The following ABCA13 variants were observed in gnomAD, a reference collection of about 807,000 sequenced individuals.
ABCA13 encodes the protein ATP-binding cassette sub-family A member 13.
Under a neutral mutation model 478.7 loss-of-function variants are expected in ABCA13, and 476 were observed. That is an observed-to-expected ratio of 0.99 (90% CI 0.92 to 1.07). The LOEUF (loss-of-function observed/expected upper bound fraction) is 1.07, where lower values mean the gene tolerates loss of function less well. Among genes scored for constraint, ABCA13 ranks in the 50% least tolerant of loss-of-function variants. The pLI is 0.00. For synonymous variants in ABCA13, 2,252 were observed against 2,158.9 expected, an observed-to-expected ratio of 1.04 and a Z score of -1.20; for missense variants, 6,060 against 5,910.6, an observed-to-expected ratio of 1.03 and a Z score of -0.83.
In ABCA13 at chr7:48,350,635, T is replaced by C. The variant is rs761196588; in HGVS notation, c.10205-8T>C. Reference sequence around the variant, plus strand: ...GTTGATGTGTCCTAATCTGTTCACTTTCCTCAGGAGGGCTGCTGGATGAGA... The same window carrying C: ...GTTGATGTGTCCTAATCTGTTCACTCTCCTCAGGAGGGCTGCTGGATGAGA... On this transcript the variant is annotated splice_polypyrimidine_tract_variant and splice_region_variant and intron_variant, in intron 29 of 61. Coordinates refer to ENST00000435803, the MANE Select transcript of ABCA13 (RefSeq NM_152701.5). 2.5e-6 allele frequency: 4 copies of C among 1,609,824 alleles called. No individual in the cohort carries two copies. In the South Asian group the frequency reaches 4.4e-5, roughly 18 times the overall value.
rs1482529011 is a variant in ABCA13 at position 48,276,336 on chromosome 7, G to A, written c.6670G>A (p.Ala2224Thr). 2 of 1,557,456 alleles carry A rather than the reference G, an allele frequency of 1.3e-6. No homozygotes were observed. Among genetic ancestry groups the A allele is most frequent in the Non-Finnish European group, 1.7e-6 (2 of 1,149,664 alleles). Residue 2224 changes from alanine to threonine, a missense_variant, in exon 17 of 62, where the codon GCT becomes ACT. Transcript: ENST00000435803. ...NNLAGNSQEAAWNLNDTDLQI... is the reference protein window; with the variant it reads ...NNLAGNSQEATWNLNDTDLQI... Reference sequence around the variant, plus strand: ...CTTAGCTGGGAATTCTCAGGAAGCAGCTTGGAACTTAAATGATACTGACCT... The same window carrying A: ...CTTAGCTGGGAATTCTCAGGAAGCAACTTGGAACTTAAATGATACTGACCT...
rs1795741522 is a variant in ABCA13, at chr7:48,272,442, G to A, written c.2776G>A (p.Ala926Thr). The part of the protein sequence containing the change: ...ALNTVYAIRN[A>T]SDLFSALSEP... ...GAACACAGTCTACGCTATCAGGAAT[G>A]CATCTGATCTTTTCTCAGCCCTTTC... Residue 926 changes from alanine to threonine, a missense_variant, in exon 17 of 62, where the codon GCA (alanine) becomes ACA (threonine). By Grantham distance (58) the Ala-to-Thr change is moderately conservative. This residue lies in a region of ABCA13 where 4,423 missense variants were observed against 4,309.1 expected (regional missense o/e 1.03). Transcript: ENST00000435803. The A allele has an allele frequency of 3.1e-6, 5 of 1,613,798 alleles. No homozygotes were observed. Among genetic ancestry groups the A allele is most frequent in the South Asian group, 1.1e-5 (1 of 91,060 alleles).
At chr7:48,578,280 T>A (rs1364277259) in intron 55 of ABCA13, among the ~76,000 whole-genome samples, 1 of 152,240 alleles carries the variant, frequency 6.6e-6, no homozygotes, top group East Asian at 1.9e-4. Flanking sequence ...TAAATAAAAC[T>A]GTTATTGCTT....
intron 55 of ABCA13, among the ~76,000 whole-genome samples, chr7:48,546,869 T>G (rs896095834): frequency 7.2e-5 from 11 of 151,764 alleles, no homozygotes; most frequent in African/African-American, 2.7e-4. Flanking sequence ...TTCATCTTCC[T>G]TTAGACTAAT....
intron 3 of ABCA13, among the ~76,000 whole-genome samples, chr7:48,217,999 ACTCT>A (rs1786751560): frequency 6.6e-6 from 1 of 151,940 alleles, no homozygotes; most frequent in African/African-American, 2.4e-5. Flanking sequence ...TCTGGAATTC[ACTCT>A]CTCTCTCACA....
At chr7:48,284,206 G>C (rs1797420940) in intron 19 of ABCA13, among the ~76,000 whole-genome samples, 1 of 152,214 alleles carries the variant, frequency 6.6e-6, no homozygotes, top group Non-Finnish European at 1.5e-5. Context: ...TGTTTGAACA[G>C]AAGAATTGAT....
intron 43 of ABCA13, among the ~76,000 whole-genome samples, chr7:48,462,446 C>A (rs538416823): frequency 2.0e-5 from 3 of 151,718 alleles, no homozygotes; most frequent in East Asian, 1.9e-4. Flanking sequence ...AAAGGATTCC[C>A]CCCCCCCTAC....
intron 20 of ABCA13, among the ~76,000 whole-genome samples, chr7:48,292,918 T>A (rs1281567792): frequency 6.6e-6 from 1 of 152,300 alleles, no homozygotes; most frequent in African/African-American, 2.4e-5. Context: ...ACTTGGCAGG[T>A]GCTCCATAAG....
intron 59 of ABCA13, chr7:48,626,869 C>T (rs1279429306): frequency 2.2e-5 from 22 of 985,312 alleles, no homozygotes; most frequent in Admixed American, 6.2e-5. Context: ...AGAATTCCTA[C>T]GAGGAAGGGC....
In ABCA13 at chr7:48,499,188, AAG is replaced by A. The variant is rs1176205331; in HGVS notation, c.13292-7138_13292-7137del. 3.3e-5 allele frequency among the ~76,000 whole-genome samples: 5 copies of A among 152,100 alleles called. No homozygotes were observed. In the East Asian group the frequency reaches 9.6e-4, roughly 29 times the overall value. ...ATTTTTTCAGGATAGATTGATGAGG[AAG>A]AGAGAGAGAAAGTCATCAAAACGCC... On this transcript the variant is annotated intron_variant, in intron 48 of 61. Transcript: ENST00000435803.
intron 3 of ABCA13, among the ~76,000 whole-genome samples, chr7:48,203,596 TG>T (rs1318727968): frequency 1.3e-5 from 2 of 150,990 alleles, no homozygotes; most frequent in African/African-American, 2.4e-5. Flanking sequence ...CTGCCTTTGT[TG>T]GGGGGTTTCC....
intron 1 of ABCA13, among the ~76,000 whole-genome samples, chr7:48,181,568 T>TA (rs1379482702): frequency 1.2e-4 from 18 of 152,060 alleles, no homozygotes; most frequent in African/African-American, 3.9e-4. Flanking sequence ...TTTTTTTTTT[T>TA]AAGTCTCAAT....
At chr7:48,296,930 A>G (rs1234523994) in intron 21 of ABCA13, among the ~76,000 whole-genome samples, 1 of 152,300 alleles carries the variant, frequency 6.6e-6, no homozygotes, top group South Asian at 2.1e-4. Context: ...ACGTTCCATG[A>G]TCTATCCTAT....
At chr7:48,479,578 T>A (rs10262460) in intron 45 of ABCA13, among the ~76,000 whole-genome samples, 37,922 of 152,144 alleles carry the variant, frequency 0.25, 5,140 homozygotes, top group Middle Eastern at 0.35. Context: ...TCACTAATTG[T>A]AGTCATTATG....
intron 44 of ABCA13, 37 bp downstream of exon 44, chr7:48,467,082 C>G: frequency 6.4e-7 from 1 of 1,559,082 alleles, no homozygotes; most frequent in Middle Eastern, 1.7e-4. Context: ...GTGAACACTC[C>G]CAACTGGTAA....
rs148222302 is a variant in ABCA13, at chr7:48,261,673, G to GT, written c.2006-7300dup. Among the ~76,000 whole-genome samples, 127 of 151,800 alleles carry GT rather than the reference G, an allele frequency of 8.4e-4. 2 individuals are homozygous for GT. In the East Asian group the frequency reaches 0.023, roughly 28 times the overall value. On this transcript the variant is annotated intron_variant, in intron 15 of 61. Coordinates refer to ENST00000435803, the MANE Select transcript of ABCA13 (RefSeq NM_152701.5). ...TATTCTAAATATGTTCATTAAAATA[G>GT]TTTTTTTGTTCTTGTTGCATCTTCT...
intron 15 of ABCA13, among the ~76,000 whole-genome samples, chr7:48,265,117 A>T (rs1308539235): frequency 6.6e-6 from 1 of 151,668 alleles, no homozygotes; most frequent in Non-Finnish European, 1.5e-5. Flanking sequence ...TCTTCTTCTG[A>T]ACTCTGTATT....
Position 48,334,489 on chromosome 7 carries a change from C to T in ABCA13, c.10000-933C>T, listed in dbSNP as rs57515623. Among the ~76,000 whole-genome samples the T allele has an allele frequency of 5.7e-3, 874 of 152,254 alleles. 17 individuals are homozygous for T. The highest frequency in any genetic ancestry group is 0.02 in the African/African-American group (835 of 41,534). On this transcript the variant is annotated intron_variant, in intron 27 of 61. Transcript: ENST00000435803. ...AGCTGGGATTACAGGTGCCTGCCAC[C>T]GTGCCCGGCTAATTTTTTGTATTTT...
intron 48 of ABCA13, among the ~76,000 whole-genome samples, chr7:48,501,464 T>C (rs546975293): frequency 6.6e-5 from 10 of 152,280 alleles, no homozygotes; most frequent in Non-Finnish European, 1.3e-4. Flanking sequence ...ATAGAGTCTT[T>C]AAATATTTAC....
Sources: gnomAD v4.1 joint callset for allele counts (sites outside exome capture counted in the v4.1 genomes callset) on GRCh38, gnomAD v4.1.1 for gene constraint, gnomAD v4.1.1 regional missense constraint, MANE v1.5 for transcripts, NCBI Gene and HGNC (gene_info 2026-07-23, HGNC 2026-07-21) for gene names.